The following PTGIS variants were observed in gnomAD, a reference collection of about 807,000 sequenced individuals.
PTGIS encodes prostacyclin synthase.
Under a neutral mutation model 50.3 loss-of-function variants are expected in PTGIS, and 45 were observed. The ratio of observed to expected loss-of-function variants is 0.90; its 90% CI spans 0.70 to 1.15. The LOEUF (loss-of-function observed/expected upper bound fraction) is 1.15, where lower values mean the gene tolerates loss of function less well. Among genes scored for constraint, PTGIS ranks in the 50% most tolerant of loss-of-function variants. PTGIS has a pLI of 0.00. For synonymous variants in PTGIS, 260 were observed against 267.7 expected (o/e 0.97, Z 0.28); for missense variants, 668 against 661.3 (o/e 1.01, Z -0.11).
chr20:49,523,567 G>A (rs1233734457), intron 6 of PTGIS, among the ~76,000 whole-genome samples: 2 of 152,160 alleles, frequency 1.3e-5, no homozygotes, highest in Non-Finnish European at 2.9e-5. Context: ...GGCCGAGGCA[G>A]GCAGATCACT....
At chr20:49,537,207 A>G (rs11700258) in intron 5 of PTGIS, among the ~76,000 whole-genome samples, 11,511 of 152,246 alleles carry the variant, frequency 0.076, 536 homozygotes, top group Non-Finnish European at 0.1. Context: ...GTTATGAAGA[A>G]GGGCCTGAGA....
chr20:49,538,256 GAAAAAAAAAAAAAAAAA>G (rs58986753), intron 5 of PTGIS, among the ~76,000 whole-genome samples: 2 of 30,292 alleles, frequency 6.6e-5, no homozygotes, highest in African/African-American at 1.1e-4. Context: ...CCCTGGTTCA[GAAAAAAAAAAAAAAAAA>G]AAAAAAAAAA....
At chr20:49,554,092 T>G (rs2122895471) in intron 1 of PTGIS, among the ~76,000 whole-genome samples, 1 of 152,290 alleles carries the variant, frequency 6.6e-6, no homozygotes, top group African/African-American at 2.4e-5. Context: ...TAACATTACA[T>G]GAGATTTTAA....
At chr20:49,530,547 T>A (rs982112996) in intron 5 of PTGIS, among the ~76,000 whole-genome samples, 1 of 152,226 alleles carries the variant, frequency 6.6e-6, no homozygotes, top group Admixed American at 6.5e-5. Context: ...CCACCACCAG[T>A]GCGAAAGAGT....
intron 5 of PTGIS, among the ~76,000 whole-genome samples, chr20:49,526,973 T>C (rs989125365): frequency 3.9e-5 from 6 of 152,186 alleles, no homozygotes; most frequent in African/African-American, 1.4e-4. Context: ...GTTCTAGGTA[T>C]ATAGCCCAAA....
At chr20:49,527,217 G>T (rs1392378125) in intron 5 of PTGIS, among the ~76,000 whole-genome samples, 1 of 151,316 alleles carries the variant, frequency 6.6e-6, no homozygotes, top group Non-Finnish European at 1.5e-5. Context: ...GCCAAGGTGG[G>T]CAGATTTCCT....
At chr20:49,517,294 A>T (rs180807074) in intron 6 of PTGIS, among the ~76,000 whole-genome samples, 2 of 152,242 alleles carry the variant, frequency 1.3e-5, no homozygotes. Flanking sequence ...AGGCCATTTT[A>T]TCTGGCCCAG....
chr20:49,544,422 G>C lies in PTGIS; in HGVS notation c.404C>G (p.Ala135Gly). ...GTTGGTATACATGGCTTCTGTGAGT[G>C]CCTGGAGCTCTCTGTGGAGAAGAGT... ...KLTLLHRELQ[A>G]LTEAMYTNLH... Residue 135 changes from alanine to glycine, a missense_variant, in exon 4 of 10, where the codon GCA becomes GGA. Physicochemically the swap from Ala to Gly is moderately conservative, Grantham distance 60 (BLOSUM62 0). Transcript: ENST00000244043. 6.2e-7 allele frequency: 1 copy of C among 1,614,144 alleles called. No homozygotes were observed. The highest frequency in any genetic ancestry group is 1.1e-5 in the South Asian group (1 of 91,074).
chr20:49,519,157 C>T (rs1981578690), intron 6 of PTGIS, among the ~76,000 whole-genome samples: 2 of 151,880 alleles, frequency 1.3e-5, no homozygotes, highest in South Asian at 4.2e-4. Context: ...CCCACCCCAC[C>T]TTCCCTTACA....
chr20:49,552,560 T>A (rs866394986), intron 1 of PTGIS, among the ~76,000 whole-genome samples: 1 of 152,136 alleles, frequency 6.6e-6, no homozygotes, highest in African/African-American at 2.4e-5. Flanking sequence ...TTTAGAGATA[T>A]ACATTTCCCT....
At chr20:49,552,815 C>T (rs1982545212) in intron 1 of PTGIS, among the ~76,000 whole-genome samples, 1 of 151,936 alleles carries the variant, frequency 6.6e-6, no homozygotes, top group Admixed American at 6.6e-5. Flanking sequence ...AAACATAAAA[C>T]AACTTAGACA....
intron 5 of PTGIS, among the ~76,000 whole-genome samples, chr20:49,531,929 C>T (rs1338752804): frequency 6.6e-6 from 1 of 152,184 alleles, no homozygotes; most frequent in African/African-American, 2.4e-5. Context: ...TGTGCGCAGC[C>T]TCATGCTGTA....
chr20:49,554,498 C>T (rs1982579641), intron 1 of PTGIS, among the ~76,000 whole-genome samples: 1 of 152,092 alleles, frequency 6.6e-6, no homozygotes, highest in Non-Finnish European at 1.5e-5. Context: ...ACACTGAGTC[C>T]TGCTAAATCT....
chr20:49,528,567 C>T (rs561323976), intron 5 of PTGIS, among the ~76,000 whole-genome samples: 2 of 152,238 alleles, frequency 1.3e-5, no homozygotes, highest in South Asian at 2.1e-4. Context: ...TTGCAGTGAG[C>T]GGAGATTGCA....
At chr20:49,524,364 C>G (rs1407761331) in intron 5 of PTGIS, 125 bp from the exon 6 acceptor site, 2 of 1,133,712 alleles carry the variant, frequency 1.8e-6, no homozygotes, top group Non-Finnish European at 2.5e-6. Flanking sequence ...GTGGGGAGTT[C>G]CTGTGGGAAA....
intron 6 of PTGIS, among the ~76,000 whole-genome samples, chr20:49,520,413 A>G (rs1414799286): frequency 7.9e-5 from 12 of 151,012 alleles, no homozygotes; most frequent in Non-Finnish European, 1.6e-4. Context: ...GGCTCACTGC[A>G]ACCTCCACCT....
chr20:49,538,256 G>GAAA lies in PTGIS; in HGVS notation c.673+1311_673+1313dup, dbSNP rs58986753. Among the ~76,000 whole-genome samples the GAAA allele has an allele frequency of 5.9e-4, 18 of 30,292 alleles. 3 individuals are homozygous for GAAA. Among genetic ancestry groups the GAAA allele is most frequent in the African/African-American group, 1.5e-3 (14 of 9,092 alleles). The allele number at this position is 30,292 out of a possible 152,430, so 19.9% of individuals were successfully genotyped here. ...GGTGACAGAGTGAGACCCTGGTTCA[G>GAAA]AAAAAAAAAAAAAAAAAAAAAAAAA... On this transcript the variant is annotated intron_variant, in intron 5 of 9. Coordinates refer to ENST00000244043, the MANE Select transcript of PTGIS (RefSeq NM_000961.4).
intron 6 of PTGIS, among the ~76,000 whole-genome samples, chr20:49,520,857 T>C (rs1981635303): frequency 1.3e-5 from 2 of 152,054 alleles, no homozygotes; most frequent in Admixed American, 1.3e-4. Flanking sequence ...TAAGGTAGTT[T>C]TTGCAGAGAT....
At chr20:49,557,135 T>C (rs952839859) in intron 1 of PTGIS, among the ~76,000 whole-genome samples, 1 of 152,200 alleles carries the variant, frequency 6.6e-6, no homozygotes, top group Non-Finnish European at 1.5e-5. Context: ...CTTATTTTCT[T>C]TGTGTGATGT....
Sources: gnomAD v4.1 joint callset for allele counts (sites outside exome capture counted in the v4.1 genomes callset) on GRCh38, gnomAD v4.1.1 for gene constraint, MANE v1.5 for transcripts, NCBI Gene and HGNC (gene_info 2026-07-23, HGNC 2026-07-21) for gene names.